HGSNAT: variants seen among roughly 807,000 people sequenced by gnomAD.
HGSNAT encodes the protein transmembrane protein 76.
Under a neutral mutation model 85.2 loss-of-function variants are expected in HGSNAT, and 59 were observed. The ratio of observed to expected loss-of-function variants is 0.69; its 90% CI spans 0.56 to 0.86. The LOEUF is 0.86. Among genes scored for constraint, HGSNAT ranks in the 40% least tolerant of loss-of-function variants. The pLI is 0.00. For missense variants in HGSNAT, 756 were observed against 777.1 expected, an observed-to-expected ratio of 0.97 and a Z score of 0.32; for synonymous variants, 321 against 304.5, an observed-to-expected ratio of 1.05 and a Z score of -0.56.
chr8:43,176,180 G>A (rs1803803694), intron 9 of HGSNAT, among the ~76,000 whole-genome samples: 1 of 152,102 alleles, frequency 6.6e-6, no homozygotes, highest in Non-Finnish European at 1.5e-5. Context: ...ATAGTTTGAG[G>A]TCTTAAGTTT....
At chr8:43,148,663 G>A (rs1360413855) in intron 2 of HGSNAT, among the ~76,000 whole-genome samples, 2 of 151,388 alleles carry the variant, frequency 1.3e-5, no homozygotes, top group African/African-American at 4.9e-5. Flanking sequence ...GGTAGCAGGT[G>A]CCTGTAATCA....
intron 1 of HGSNAT, among the ~76,000 whole-genome samples, chr8:43,143,154 A>G (rs917923732): frequency 1.3e-5 from 2 of 152,262 alleles, no homozygotes; most frequent in Non-Finnish European, 2.9e-5. Context: ...TTATGCAAAT[A>G]CCTCAGAAGG....
intron 9 of HGSNAT, among the ~76,000 whole-genome samples, chr8:43,175,544 G>T (rs1487988397): frequency 7.4e-6 from 1 of 134,766 alleles, no homozygotes; most frequent in Non-Finnish European, 1.6e-5. Context: ...TGTCTGTTCA[G>T]ATCTTTTGTC....
intron 9 of HGSNAT, among the ~76,000 whole-genome samples, chr8:43,174,613 AT>A (rs199561900): frequency 5.9e-5 from 9 of 151,976 alleles, no homozygotes; most frequent in African/African-American, 1.7e-4. Context: ...TATTATTGTT[AT>A]TTTTTATTTC....
chr8:43,156,642 G>A (rs778554221), intron 2 of HGSNAT, among the ~76,000 whole-genome samples: 50 of 152,080 alleles, frequency 3.3e-4, no homozygotes, highest in Non-Finnish European at 6.6e-4. Flanking sequence ...GTTTAGACTT[G>A]TTTGCTCCCT....
intron 2 of HGSNAT, among the ~76,000 whole-genome samples, chr8:43,152,909 G>A (rs1310477003): frequency 6.6e-6 from 1 of 152,042 alleles, no homozygotes; most frequent in Non-Finnish European, 1.5e-5. Context: ...TCATTATATA[G>A]TCTACATAAA....
chr8:43,193,795 C>A lies in HGSNAT; in HGVS notation c.1416C>A (p.Gly472=). ...YHTEVAYDPE[G]ILGTINSIVM... ...CCGAGGTGGCCTATGACCCCGAGGG[C>A]ATCCTGGGCACCATCAACTCCATCG... Residue 472 remains glycine (G), a synonymous_variant, in exon 14 of 18, where the codon GGC becomes GGA. Transcript: ENST00000379644. The A allele has an allele frequency of 6.2e-7, 1 of 1,613,860 alleles. No homozygotes were observed. Among genetic ancestry groups the A allele is most frequent in the South Asian group, 1.1e-5 (1 of 91,078 alleles).
At chr8:43,170,175 C>A (rs528298817) in intron 6 of HGSNAT, among the ~76,000 whole-genome samples, 2 of 152,270 alleles carry the variant, frequency 1.3e-5, no homozygotes, top group East Asian at 1.9e-4. Flanking sequence ...ATATCACATT[C>A]TTTCCTAAAG....
chr8:43,197,309 G>C, intron 15 of HGSNAT: 1 of 539,878 alleles, frequency 1.9e-6, no homozygotes, highest in Non-Finnish European at 3.3e-6. Flanking sequence ...GCGTATCAGA[G>C]AGACTGGGCA....
rs144266684 is a variant in HGSNAT, at chr8:43,150,834, A to AAAATAAATAAAT, written c.234+3795_234+3806dup. Among the ~76,000 whole-genome samples, 332 of 147,176 alleles carry AAAATAAATAAAT rather than the reference A, an allele frequency of 2.3e-3. 3 individuals carry two copies. The highest frequency in any genetic ancestry group is 7.5e-3 in the African/African-American group (300 of 39,838). ...GGGTGACAGAGCGAGACTCCGTTTC[A>AAAATAAATAAAT]AAATAAATAAATAAATAAATAAATA... On this transcript the variant is annotated intron_variant, in intron 2 of 17. Coordinates refer to ENST00000379644, the MANE Select transcript of HGSNAT (RefSeq NM_152419.3).
At chr8:43,192,500 C>T in intron 13 of HGSNAT, 70 bp downstream of exon 13, 2 of 1,499,676 alleles carry the variant, frequency 1.3e-6, no homozygotes, top group South Asian at 1.3e-5. Context: ...TAGAAAGAGC[C>T]AGCAAACGTT....
intron 11 of HGSNAT, chr8:43,182,465 A>C (rs1415624827): frequency 1.6e-6 from 1 of 613,504 alleles, no homozygotes; most frequent in Non-Finnish European, 3.0e-6. Context: ...TGTTGTTGAT[A>C]CAGGGTCTTG....
At chr8:43,179,620 C>G (rs1188023412) in intron 10 of HGSNAT, among the ~76,000 whole-genome samples, 9 of 49,512 alleles carry the variant, frequency 1.8e-4, no homozygotes, top group Non-Finnish European at 2.7e-4. Flanking sequence ...CGGGCAGAGG[C>G]GCCCCTCACC....
At position 43,191,678 on chromosome 8, in the gene HGSNAT, C is replaced by A; in HGVS notation, c.1250+83C>A. ...TTCTGGGCTTTCACAGGTCTCGAGT[C>A]AGAGGAATTCTCTTTCCCTCTTCCT... On this transcript the variant is annotated intron_variant, in intron 12 of 17. Transcript: ENST00000379644. 1.3e-6 allele frequency: 2 copies of A among 1,503,554 alleles called. No homozygotes were observed. Among genetic ancestry groups the A allele is most frequent in the South Asian group, 1.2e-5 (1 of 83,614 alleles). 93.1% of individuals were successfully genotyped at this position (1,503,554 alleles called of 1,614,324 possible).
chr8:43,192,801 T>C lies in HGSNAT; in HGVS notation c.1377+371T>C, dbSNP rs557848946. 2.0e-5 allele frequency among the ~76,000 whole-genome samples: 3 copies of C among 151,158 alleles called. No homozygotes were observed. In the South Asian group the frequency reaches 6.3e-4, roughly 32 times the overall value. On this transcript the variant is annotated intron_variant, in intron 13 of 17. Transcript: ENST00000379644. ...AAACAAAAAAAAAAGCAAGTGAGAA[T>C]GCATTGTGTAAATGATCATAGCACA... is the stretch of plus-strand genomic sequence containing the variant.
rs1246952271 is a variant in HGSNAT, at chr8:43,180,070, C to T, written c.1012+1836C>T. Among the ~76,000 whole-genome samples the T allele has an allele frequency of 4.1e-4, 50 of 123,404 alleles. 1 individual carries two copies. The highest frequency in any genetic ancestry group is 8.0e-4 in the Non-Finnish European group (45 of 56,456). The allele number at this position is 123,404 out of a possible 152,430, so 81.0% of individuals were successfully genotyped here. The stretch of plus-strand genomic sequence containing the variant: ...GCTGGCCGGGCGGGGGGCTGACCCC[C>T]CCACCTCCCTCCCGGACGGGGCGGC... On this transcript the variant is annotated intron_variant, in intron 10 of 17. Transcript: ENST00000379644.
At chr8:43,185,393 G>C (rs1804272330) in intron 11 of HGSNAT, among the ~76,000 whole-genome samples, 1 of 152,114 alleles carries the variant, frequency 6.6e-6, no homozygotes, top group African/African-American at 2.4e-5. Context: ...TATTCTCTTT[G>C]AAGCAATTGT....
intron 8 of HGSNAT, 34 bp from the exon 9 acceptor site, chr8:43,173,679 G>A (rs1466342460): frequency 3.5e-5 from 57 of 1,610,004 alleles, no homozygotes; most frequent in East Asian, 6.7e-5. Flanking sequence ...GTATTCTAGA[G>A]TCCTTTTGCT....
chr8:43,165,899 G>C (rs1257301917), intron 5 of HGSNAT, among the ~76,000 whole-genome samples: 6 of 152,148 alleles, frequency 3.9e-5, no homozygotes, highest in Admixed American at 1.3e-4. Context: ...TTGCTCCACT[G>C]TACTCCAGCC....
Sources: gnomAD v4.1 joint callset for allele counts (sites outside exome capture counted in the v4.1 genomes callset) on GRCh38, gnomAD v4.1.1 for gene constraint, MANE v1.5 for transcripts, NCBI Gene and HGNC (gene_info 2026-07-23, HGNC 2026-07-21) for gene names.